MOXD1: variants seen among roughly 807,000 people sequenced by gnomAD.
MOXD1 encodes the protein monooxygenase DBH like 1.
Under a neutral mutation model 66.6 loss-of-function variants are expected in MOXD1, and 62 were observed. The ratio of observed to expected loss-of-function variants is 0.93; its 90% CI spans 0.76 to 1.15. MOXD1 has a LOEUF of 1.15. Ranked by LOEUF, MOXD1 falls within the 50% of genes most tolerant of loss-of-function variation. MOXD1 has a pLI of 0.00. For synonymous variants in MOXD1, 303 were observed against 281.9 expected (o/e 1.07, Z -0.75); for missense variants, 847 against 754.6 (o/e 1.12, Z -1.44).
chr6:132,312,062 G>C (rs1235116865), intron 10 of MOXD1, among the ~76,000 whole-genome samples: 1 of 151,740 alleles, frequency 6.6e-6, no homozygotes, highest in Admixed American at 6.6e-5. Flanking sequence ...GTACAACAGG[G>C]AATACACAAT....
At chr6:132,369,964 C>T (rs1181142422) in intron 4 of MOXD1, among the ~76,000 whole-genome samples, 1 of 151,986 alleles carries the variant, frequency 6.6e-6, no homozygotes, top group Non-Finnish European at 1.5e-5. Context: ...ATTCTTTGTG[C>T]GAATTAGACA....
At chr6:132,370,941 C>T (rs1201316010) in intron 4 of MOXD1, among the ~76,000 whole-genome samples, 2 of 152,070 alleles carry the variant, frequency 1.3e-5, no homozygotes, top group African/African-American at 4.8e-5. Context: ...AGGGTTGAAA[C>T]ATACACTGAC....
chr6:132,332,753 G>C (rs1394450049), intron 4 of MOXD1, among the ~76,000 whole-genome samples: 1 of 152,176 alleles, frequency 6.6e-6, no homozygotes, highest in Non-Finnish European at 1.5e-5. Context: ...CCTGATGGAG[G>C]CTGCTCGTTA....
At chr6:132,377,338 C>A (rs1396747669) in intron 1 of MOXD1, among the ~76,000 whole-genome samples, 3 of 152,172 alleles carry the variant, frequency 2.0e-5, no homozygotes, top group African/African-American at 7.2e-5. Flanking sequence ...GTTAACTGTG[C>A]CTTTTCACTG....
At chr6:132,377,636 C>G (rs1776420889) in intron 1 of MOXD1, among the ~76,000 whole-genome samples, 1 of 152,122 alleles carries the variant, frequency 6.6e-6, no homozygotes, top group South Asian at 2.1e-4. Flanking sequence ...GCCATCTGCC[C>G]TATGTAACCA....
chr6:132,307,218 C>T (rs1774714558), intron 10 of MOXD1, among the ~76,000 whole-genome samples: 2 of 152,096 alleles, frequency 1.3e-5, no homozygotes, highest in Admixed American at 6.5e-5. Context: ...GGGTTGCAAT[C>T]CTAGTCTCTG....
In MOXD1 at chr6:132,372,956, A is replaced by T; in HGVS notation, c.453T>A (p.Asp151Glu). 6.2e-7 allele frequency: 1 copy of T among 1,613,942 alleles called. No homozygotes were observed. Among genetic ancestry groups the T allele is most frequent in the Non-Finnish European group, 8.5e-7 (1 of 1,179,890 alleles). Residue 151 changes from aspartate to glutamate, a missense_variant, in exon 3 of 12, where the codon GAT becomes GAA. Physicochemically the swap from Asp to Glu is conservative, Grantham distance 45. Transcript: ENST00000367963. ...VRVIWAYHHEDAGEAGPKYHD... is the reference protein window; with the variant it reads ...VRVIWAYHHEEAGEAGPKYHD... Reference sequence around the variant, plus strand: ...GGTACTTGGGACCAGCTTCTCCTGCATCTTCATGGTGGTAGGCCCAGATCA... The same window carrying T: ...GGTACTTGGGACCAGCTTCTCCTGCTTCTTCATGGTGGTAGGCCCAGATCA...
intron 1 of MOXD1, among the ~76,000 whole-genome samples, chr6:132,381,806 A>G (rs1776518507): frequency 6.6e-6 from 1 of 152,184 alleles, no homozygotes; most frequent in African/African-American, 2.4e-5. Flanking sequence ...AAAGTCACTT[A>G]GAAGTTGACA....
At chr6:132,382,570 G>A (rs1408350667) in intron 1 of MOXD1, among the ~76,000 whole-genome samples, 1 of 152,054 alleles carries the variant, frequency 6.6e-6, no homozygotes, top group Non-Finnish European at 1.5e-5. Context: ...TGTTACACCT[G>A]AAAATGAGTT....
At chr6:132,359,532 G>A (rs1775973168) in intron 4 of MOXD1, among the ~76,000 whole-genome samples, 1 of 148,156 alleles carries the variant, frequency 6.7e-6, no homozygotes, top group Admixed American at 6.7e-5. Context: ...TGTCGCCCAG[G>A]CTGGAGTGCA....
intron 4 of MOXD1, among the ~76,000 whole-genome samples, chr6:132,342,318 A>G (rs139684019): frequency 1.3e-5 from 2 of 152,180 alleles, no homozygotes; most frequent in Non-Finnish European, 2.9e-5. Flanking sequence ...CTTTTAATCT[A>G]TTACAAAAAC....
intron 10 of MOXD1, among the ~76,000 whole-genome samples, chr6:132,307,742 A>T (rs78649620): frequency 0.048 from 7,242 of 152,280 alleles, 544 homozygotes; most frequent in African/African-American, 0.16. Context: ...CAATTAATGG[A>T]AATCGAACAA....
intron 6 of MOXD1, among the ~76,000 whole-genome samples, chr6:132,326,205 CAA>C (rs1044387252): frequency 1.9e-4 from 29 of 151,954 alleles, no homozygotes; most frequent in Middle Eastern, 7.0e-3. Context: ...TTTCTGGAAA[CAA>C]ATTCGTATTA....
intron 4 of MOXD1, among the ~76,000 whole-genome samples, chr6:132,329,689 C>T (rs2114586445): frequency 6.6e-6 from 1 of 152,016 alleles, no homozygotes; most frequent in African/African-American, 2.4e-5. Context: ...ATCTGACCTC[C>T]AGATTACAAA....
intron 9 of MOXD1, 114 bp downstream of exon 9, chr6:132,320,515 G>A (rs532621767): frequency 4.4e-6 from 4 of 902,836 alleles, no homozygotes; most frequent in African/African-American, 1.7e-5. Flanking sequence ...TGATACTCAA[G>A]ATTTTTAGAA....
intron 4 of MOXD1, among the ~76,000 whole-genome samples, chr6:132,345,673 AT>A (rs1582585184): frequency 6.6e-6 from 1 of 152,116 alleles, no homozygotes; most frequent in Admixed American, 6.5e-5. Flanking sequence ...ATCTCCTCTT[AT>A]TTTTTAATGT....
intron 10 of MOXD1, among the ~76,000 whole-genome samples, chr6:132,302,632 C>A (rs1200838626): frequency 6.6e-6 from 1 of 152,088 alleles, no homozygotes; most frequent in Non-Finnish European, 1.5e-5. Context: ...TCAATTCTCT[C>A]AAATTGTCTA....
intron 1 of MOXD1, among the ~76,000 whole-genome samples, chr6:132,385,976 G>A (rs1375818460): frequency 1.3e-5 from 2 of 151,004 alleles, no homozygotes; most frequent in Non-Finnish European, 2.9e-5. Context: ...GGTGGCGGGC[G>A]CCTGTAGTCC....
At chr6:132,341,768 T>G (rs1775568354) in intron 4 of MOXD1, among the ~76,000 whole-genome samples, 1 of 152,222 alleles carries the variant, frequency 6.6e-6, no homozygotes, top group African/African-American at 2.4e-5. Context: ...ATTTAAATCC[T>G]ATTCATTTTT....
Sources: gnomAD v4.1 joint callset for allele counts (sites outside exome capture counted in the v4.1 genomes callset) on GRCh38, gnomAD v4.1.1 for gene constraint, MANE v1.5 for transcripts, NCBI Gene and HGNC (gene_info 2026-07-23, HGNC 2026-07-21) for gene names.